CELF2: variants seen among roughly 807,000 people sequenced by gnomAD.
CELF2 encodes CUG triplet repeat RNA-binding protein 2.
In CELF2, 8 loss-of-function variants were observed where a neutral mutation model predicts 62.6. The observed-to-expected ratio is 0.13, with a 90% CI of 0.07 to 0.23. The LOEUF is 0.23. Ranked by LOEUF, CELF2 falls within the 10% of genes least tolerant of loss-of-function variation. The pLI, the probability that CELF2 is intolerant of heterozygous loss-of-function variation, is 1.00. For missense variants in CELF2, 333 were observed against 671.0 expected (o/e 0.50, Z 5.56); for synonymous variants, 258 against 250.0 (o/e 1.03, Z -0.30).
At chr10:10,817,009 A>G (rs1172930561) in intron 1 of CELF2, among the ~76,000 whole-genome samples, 1 of 152,234 alleles carries the variant, frequency 6.6e-6, no homozygotes, top group Non-Finnish European at 1.5e-5. Flanking sequence ...AGCAATTCCA[A>G]CAACTGACTT....
In CELF2 at chr10:11,134,739, G is replaced by C. The variant is rs778861338; in HGVS notation, c.75-30747G>C. On this transcript the variant is annotated intron_variant, in intron 1 of 12. Transcript: ENST00000633077. ...AGTGCTTCTGTTGGCAGTGGGATTT[G>C]AGAAGCAGGGCACGAGGAGAGAGCA... Among the ~76,000 whole-genome samples, 103 of 152,284 alleles carry C rather than the reference G, an allele frequency of 6.8e-4. 1 individual carries two copies. The highest frequency in any genetic ancestry group is 6.2e-4 in the South Asian group (3 of 4,822).
the CELF2 span, among the ~76,000 whole-genome samples, chr10:10,753,351 G>A: frequency 4.0e-5 from 6 of 150,412 alleles, no homozygotes; most frequent in Admixed American, 2.7e-4. Flanking sequence ...AGTGCATATG[G>A]GATTTTGCTT....
the CELF2 span, among the ~76,000 whole-genome samples, chr10:10,783,344 T>C: frequency 6.7e-4 from 102 of 152,020 alleles, no homozygotes; most frequent in African/African-American, 2.3e-3. Context: ...GACAGGAAGA[T>C]ACAGAGGGAA....
chr10:10,623,237 C>G, the CELF2 span, among the ~76,000 whole-genome samples: 1 of 152,026 alleles, frequency 6.6e-6, no homozygotes, highest in Non-Finnish European at 1.5e-5. Flanking sequence ...CAGAGAGTTC[C>G]CAAAGGAGGC....
chr10:10,709,956 G>A, the CELF2 span, among the ~76,000 whole-genome samples: 6 of 152,190 alleles, frequency 3.9e-5, no homozygotes, highest in South Asian at 1.2e-3. Context: ...TTCCCCAGGG[G>A]ACCTGATGGC....
the CELF2 span, among the ~76,000 whole-genome samples, chr10:10,697,237 T>G: frequency 6.6e-6 from 1 of 151,716 alleles, no homozygotes; most frequent in Non-Finnish European, 1.5e-5. Context: ...TTAACATGGG[T>G]GGGAATTGCC....
At chr10:11,066,039 G>A (rs977691795) in intron 1 of CELF2, among the ~76,000 whole-genome samples, 1 of 152,138 alleles carries the variant, frequency 6.6e-6, no homozygotes, top group Non-Finnish European at 1.5e-5. Context: ...GAACCCAAAG[G>A]CCATTGTGGC....
chr10:10,639,462 CGTT>C, the CELF2 span, among the ~76,000 whole-genome samples: 1 of 152,106 alleles, frequency 6.6e-6, no homozygotes, highest in Non-Finnish European at 1.5e-5. Context: ...ATTTTATAAA[CGTT>C]GGAGGAGATA....
At chr10:10,498,051 A>G in the CELF2 span, among the ~76,000 whole-genome samples, 19 of 152,184 alleles carry the variant, frequency 1.2e-4, no homozygotes, top group Admixed American at 1.3e-4. Context: ...TTCTAGATCT[A>G]TTTTGTGGAA....
chr10:10,689,064 C>A, the CELF2 span, among the ~76,000 whole-genome samples: 4 of 152,086 alleles, frequency 2.6e-5, no homozygotes, highest in African/African-American at 9.7e-5. Flanking sequence ...GGTATCATTT[C>A]TGAGTTCCAT....
intron 1 of CELF2, among the ~76,000 whole-genome samples, chr10:10,870,571 T>G (rs1249173379): frequency 2.0e-5 from 3 of 152,204 alleles, no homozygotes; most frequent in African/African-American, 7.2e-5. Flanking sequence ...GAGTTGGGTC[T>G]TCTGATTCTC....
At chr10:11,199,365 A>G (rs2058708446) in intron 2 of CELF2, among the ~76,000 whole-genome samples, 1 of 152,158 alleles carries the variant, frequency 6.6e-6, no homozygotes, top group Non-Finnish European at 1.5e-5. Context: ...TGAGCCCTCT[A>G]GGCAGACACT....
chr10:11,284,439 G>C (rs2090394313), intron 8 of CELF2, among the ~76,000 whole-genome samples: 2 of 149,036 alleles, frequency 1.3e-5, no homozygotes, highest in Admixed American at 6.7e-5. Flanking sequence ...TGATGGATGA[G>C]TGTGTGGTGG....
intron 1 of CELF2, among the ~76,000 whole-genome samples, chr10:10,848,629 T>C (rs2059165371): frequency 6.6e-6 from 1 of 152,200 alleles, no homozygotes; most frequent in African/African-American, 2.4e-5. Context: ...GGAGTTCTGC[T>C]GATATCTTCC....
chr10:10,514,606 G>A, the CELF2 span, among the ~76,000 whole-genome samples: 2 of 152,186 alleles, frequency 1.3e-5, no homozygotes, highest in African/African-American at 2.4e-5. Flanking sequence ...AAGCCTGGGA[G>A]AGAATGGGAT....
In CELF2 at chr10:11,273,982, C is replaced by G. The variant is rs376023068; in HGVS notation, c.778-1075C>G. On this transcript the variant is annotated intron_variant, in intron 7 of 12. Coordinates refer to ENST00000633077, the MANE Select transcript of CELF2 (RefSeq NM_001326342.2). ...AAGTGATCCCCACCCCCCCCCCCCA[C>G]CTTGGCCTCCCAAAGTCCTGGGATT... Among the ~76,000 whole-genome samples, 27 of 129,070 alleles carry G rather than the reference C, an allele frequency of 2.1e-4. 1 individual carries two copies. The highest frequency in any genetic ancestry group is 7.7e-4 in the African/African-American group (27 of 34,866). 84.7% of individuals were successfully genotyped at this position (129,070 alleles called of 152,430 possible).
the CELF2 span, among the ~76,000 whole-genome samples, chr10:10,504,532 G>A: frequency 1.6e-4 from 25 of 152,190 alleles, 1 homozygote; most frequent in East Asian, 4.2e-3. Context: ...TGCCTTGGCA[G>A]AAATTTATTT....
chr10:10,994,206 A>G (rs574362895), intron 2 of CELF2, among the ~76,000 whole-genome samples: 10 of 152,324 alleles, frequency 6.6e-5, no homozygotes, highest in Non-Finnish European at 1.0e-4. Context: ...TTACATTTGC[A>G]GAGTGTCTGT....
chr10:10,745,831 T>C, the CELF2 span, among the ~76,000 whole-genome samples: 5 of 152,234 alleles, frequency 3.3e-5, no homozygotes, highest in Admixed American at 1.3e-4. Context: ...AGTACCTCTG[T>C]ACTTGAGCAG....
Sources: allele counts gnomAD v4.1 joint callset (sites outside exome capture counted in the v4.1 genomes callset), GRCh38; gene constraint gnomAD v4.1.1; transcripts MANE v1.5; gene names NCBI Gene and HGNC (gene_info 2026-07-23, HGNC 2026-07-21).